FAM91A1: variants seen among roughly 807,000 people sequenced by gnomAD.
FAM91A1 encodes the protein family with sequence similarity 91 member A1, also known as protein FAM91A1.
Under a neutral mutation model 113.5 loss-of-function variants are expected in FAM91A1, and 41 were observed. The ratio of observed to expected loss-of-function variants is 0.36; its 90% CI spans 0.28 to 0.47. FAM91A1 has a LOEUF of 0.47. Ranked by LOEUF, FAM91A1 falls within the 20% of genes least tolerant of loss-of-function variation. The pLI, the probability that FAM91A1 is intolerant of heterozygous loss-of-function variation, is 1.00. For synonymous variants in FAM91A1, 307 were observed against 347.9 expected (o/e 0.88, Z 1.31); for missense variants, 696 against 1,001.2 (o/e 0.70, Z 4.11).
intron 3 of FAM91A1, 144 bp from the exon 4 acceptor site, chr8:123,777,121 G>A (rs1377644302): frequency 1.7e-6 from 1 of 585,508 alleles, no homozygotes; most frequent in Non-Finnish European, 2.9e-6. Context: ...CCACAGGGTG[G>A]CATGTATGCT....
At chr8:123,769,727 A>C (rs912711904) in intron 1 of FAM91A1, among the ~76,000 whole-genome samples, 17 of 152,228 alleles carry the variant, frequency 1.1e-4, no homozygotes, top group African/African-American at 4.1e-4. Context: ...ACGTAAACAA[A>C]TAAATGAATA....
chr8:123,807,119 T>A (rs2130156806), intron 20 of FAM91A1, among the ~76,000 whole-genome samples: 1 of 152,238 alleles, frequency 6.6e-6, no homozygotes, highest in East Asian at 1.9e-4. Flanking sequence ...ATTGATTACT[T>A]GCCATCCAGT....
intron 1 of FAM91A1, among the ~76,000 whole-genome samples, chr8:123,772,386 G>GA (rs1220630683): frequency 2.0e-5 from 3 of 152,214 alleles, no homozygotes; most frequent in African/African-American, 7.2e-5. Context: ...TAGAGACAGA[G>GA]AAAACCTTTA....
intron 15 of FAM91A1, among the ~76,000 whole-genome samples, chr8:123,791,016 G>A (rs887007608): frequency 7.9e-5 from 12 of 152,156 alleles, no homozygotes; most frequent in African/African-American, 2.9e-4. Context: ...AAAACTCCTG[G>A]AATTTCTGGG....
chr8:123,810,147 A>C, intron 22 of FAM91A1, 135 bp from the exon 23 acceptor site: 1 of 776,276 alleles, frequency 1.3e-6, no homozygotes, highest in Non-Finnish European at 2.0e-6. Flanking sequence ...GAAACACTGA[A>C]ATTGTTTTTT....
intron 12 of FAM91A1, 41 bp downstream of exon 12, chr8:123,786,651 T>C: frequency 7.0e-7 from 1 of 1,427,722 alleles, no homozygotes; most frequent in South Asian, 1.1e-5. Flanking sequence ...TGTCTGTAGG[T>C]ACGGCACATG....
In FAM91A1 at chr8:123,798,171, A is replaced by G; in HGVS notation, c.1493A>G (p.Tyr498Cys). The change falls in exon 16 of 24, where the codon TAC becomes TGC. Residue 498 changes from tyrosine to cysteine, a missense_variant. Physicochemically the swap from Tyr to Cys is radical, Grantham distance 194. Coordinates refer to ENST00000334705, the MANE Select transcript of FAM91A1 (RefSeq NM_144963.4). ...TGCAGCAGAGTTCTAAACAAAAATTACACGCTGCTTGTTTCCATGGCTCCC... is the reference window on the plus strand; with the variant it reads ...TGCAGCAGAGTTCTAAACAAAAATTGCACGCTGCTTGTTTCCATGGCTCCC... ...ATCSRVLNKN[Y>C]TLLVSMAPLT... 6.2e-7 allele frequency: 1 copy of G among 1,614,150 alleles called. No individual in the cohort carries two copies. The highest frequency in any genetic ancestry group is 8.5e-7 in the Non-Finnish European group (1 of 1,180,016).
intron 18 of FAM91A1, among the ~76,000 whole-genome samples, chr8:123,804,488 T>C (rs12547665): frequency 0.99 from 114,502 of 115,152 alleles, 56,929 homozygotes; most frequent in Middle Eastern, 1. Context: ...AAGACTCTGT[T>C]TTAAAAAAAA....
intron 1 of FAM91A1, among the ~76,000 whole-genome samples, chr8:123,770,927 G>T (rs1814822634): frequency 6.6e-6 from 1 of 152,106 alleles, no homozygotes; most frequent in African/African-American, 2.4e-5. Flanking sequence ...TGCTTCCCTA[G>T]GCCGAGCTCC....
At chr8:123,800,743 A>T (rs1309788679) in intron 18 of FAM91A1, among the ~76,000 whole-genome samples, 1 of 152,168 alleles carries the variant, frequency 6.6e-6, no homozygotes, top group East Asian at 1.9e-4. Context: ...GATTTGCCGA[A>T]TCTGGGCATT....
At chr8:123,802,481 TATC>T (rs944741202) in intron 18 of FAM91A1, among the ~76,000 whole-genome samples, 1 of 151,776 alleles carries the variant, frequency 6.6e-6, no homozygotes, top group Non-Finnish European at 1.5e-5. Context: ...GAGGAAGTGA[TATC>T]ATGGGAGGTG....
At position 123,785,139 on chromosome 8, in the gene FAM91A1, A is replaced by T; in HGVS notation, c.849+20A>T. On this transcript the variant is annotated intron_variant, in intron 10 of 23. Coordinates refer to ENST00000334705, the MANE Select transcript of FAM91A1 (RefSeq NM_144963.4). ...GTTAAGGTATGTTATTTTTATACTC[A>T]TTTACTGGTGATGTGATAACTGAGT... is the stretch of plus-strand genomic sequence containing the variant. 1.9e-6 allele frequency: 3 copies of T among 1,575,726 alleles called. No homozygotes were observed. Among genetic ancestry groups the T allele is most frequent in the Admixed American group, 3.8e-5 (2 of 52,376 alleles).
Position 123,768,695 on chromosome 8 carries a change from G to GTAT in FAM91A1, c.-8_-7insTAT. On this transcript the variant is annotated 5_prime_UTR_variant, in exon 1 of 24. Coordinates refer to ENST00000334705, the MANE Select transcript of FAM91A1 (RefSeq NM_144963.4). ...GCGGCCCCGGCCGCCGGCCCTGGCC[G>GTAT]CGGCATCATGAACATAGACGTGGAG... 6.3e-7 allele frequency: 1 copy of GTAT among 1,593,220 alleles called. No homozygotes were observed. The highest frequency in any genetic ancestry group is 1.4e-5 in the African/African-American group (1 of 73,936).
At position 123,771,979 on chromosome 8, in the gene FAM91A1, T is replaced by C. The variant is rs770076486; in HGVS notation, c.73-2101T>C. Among the ~76,000 whole-genome samples, 7 of 152,206 alleles carry C rather than the reference T, an allele frequency of 4.6e-5. No homozygotes were observed. In the South Asian group the frequency reaches 1.0e-3, roughly 23 times the overall value. On this transcript the variant is annotated intron_variant, in intron 1 of 23. Transcript: ENST00000334705. ...ACTCGGGGTAAAATTACTTTTTTTTTCTTCTTTTTAAAAAGTCACCTTCTC... is the reference window on the plus strand; with the variant it reads ...ACTCGGGGTAAAATTACTTTTTTTTCCTTCTTTTTAAAAAGTCACCTTCTC...
chr8:123,780,965 A>G (rs186550795), intron 8 of FAM91A1, among the ~76,000 whole-genome samples: 28 of 152,028 alleles, frequency 1.8e-4, no homozygotes, highest in African/African-American at 6.5e-4. Flanking sequence ...TCCTTTACCT[A>G]CTTCTCCAAG....
intron 1 of FAM91A1, 67 bp downstream of exon 1, chr8:123,768,841 C>A: frequency 6.6e-7 from 1 of 1,512,722 alleles, no homozygotes; most frequent in East Asian, 2.4e-5. Flanking sequence ...CTGCTTGCCT[C>A]GCTCGCGGGG....
chr8:123,775,277 A>G lies in FAM91A1; in HGVS notation c.288A>G (p.Ser96=). Reference sequence around the variant, plus strand: ...AAGGCTTGAGGATAACACCATTTTCATATTATACTGGGATTATGGAGGTGA... The same window carrying G: ...AAGGCTTGAGGATAACACCATTTTCGTATTATACTGGGATTATGGAGGTGA... ...MVKGLRITPF[S]YYTGIMEDIM... is the part of the protein sequence containing the mutation. The change falls in exon 3 of 24, where the codon TCA becomes TCG. Residue 96 remains serine (S), a synonymous_variant. Transcript: ENST00000334705. The G allele has an allele frequency of 6.2e-7, 1 of 1,613,908 alleles. No individual in the cohort carries two copies. Among genetic ancestry groups the G allele is most frequent in the South Asian group, 1.1e-5 (1 of 91,014 alleles).
rs2130179147 is a variant in FAM91A1, at chr8:123,814,735, T to TC, written c.*2031_*2032insC. The TC allele has an allele frequency of 6.5e-6, 1 of 152,766 alleles. No homozygotes were observed. Among genetic ancestry groups the TC allele is most frequent in the Non-Finnish European group, 1.5e-5 (1 of 68,030 alleles). 9.5% of individuals were successfully genotyped at this position (152,766 alleles called of 1,614,324 possible). A position where few individuals can be genotyped will look rare whatever the true frequency, so the allele number is the denominator to read the frequency against. ...AGGGAGAGTGCATTTTTAGAGCTTTTAGCAAAATGTGAAAAGCTGATGTTT... is the reference window on the plus strand; with the variant it reads ...AGGGAGAGTGCATTTTTAGAGCTTTTCAGCAAAATGTGAAAAGCTGATGTTT... On this transcript the variant is annotated 3_prime_UTR_variant, in exon 24 of 24. Coordinates refer to ENST00000334705, the MANE Select transcript of FAM91A1 (RefSeq NM_144963.4).
rs1339399835 is a variant in FAM91A1, at chr8:123,786,600, A to G, written c.1068A>G (p.Gln356=). Residue 356 remains glutamine, a synonymous_variant, in exon 12 of 24, where the codon CAA becomes CAG. Transcript: ENST00000334705. ...CAACTGACACTGATACAAATAGTCA[A>G]GAAGATCCAGGTTAGCAGTAACTCA... ...SSATDTDTNS[Q]EDPADTASVS... 2 of 1,613,854 alleles carry G rather than the reference A, an allele frequency of 1.2e-6. No homozygotes were observed. Among genetic ancestry groups the G allele is most frequent in the Non-Finnish European group, 8.5e-7 (1 of 1,179,708 alleles).
Sources: allele counts gnomAD v4.1 joint callset (sites outside exome capture counted in the v4.1 genomes callset), GRCh38; gene constraint gnomAD v4.1.1; transcripts MANE v1.5; gene names NCBI Gene and HGNC (gene_info 2026-07-23, HGNC 2026-07-21).